Variants in OLA1 observed in about 807,000 individuals in gnomAD.
OLA1 encodes the protein Obg like ATPase 1, also known as obg-like ATPase 1.
OLA1 carries 14 observed loss-of-function variants against 48.4 expected under a neutral mutation model. The ratio of observed to expected loss-of-function variants is 0.29; its 90% CI spans 0.19 to 0.45. The LOEUF is 0.45. Among genes scored for constraint, OLA1 ranks in the 20% least tolerant of loss-of-function variants. The pLI is 1.00. For missense variants in OLA1, 325 were observed against 467.1 expected, an observed-to-expected ratio of 0.70 and a Z score of 2.80; for synonymous variants, 127 against 150.4, an observed-to-expected ratio of 0.84 and a Z score of 1.14.
At chr2:174,229,628 T>G (rs1688684757) in intron 2 of OLA1, among the ~76,000 whole-genome samples, 177 bp from the exon 3 acceptor site, 2 of 152,230 alleles carry the variant, frequency 1.3e-5, no homozygotes, top group South Asian at 4.1e-4. Flanking sequence ...TTTACAACAG[T>G]AAAGCGGCAG....
intron 4 of OLA1, among the ~76,000 whole-genome samples, chr2:174,148,389 CAAAT>C: frequency 6.6e-6 from 1 of 151,988 alleles, no homozygotes; most frequent in East Asian, 1.9e-4. Flanking sequence ...GACTACATCT[CAAAT>C]AAACAAAACA....
At chr2:174,152,146 C>T (rs1558978924) in intron 4 of OLA1, among the ~76,000 whole-genome samples, 1 of 152,166 alleles carries the variant, frequency 6.6e-6, no homozygotes, top group Non-Finnish European at 1.5e-5. Context: ...GTGGCTCACG[C>T]CTGTAATCCC....
intron 4 of OLA1, among the ~76,000 whole-genome samples, chr2:174,158,187 G>A (rs1383920071): frequency 1.3e-5 from 2 of 152,190 alleles, no homozygotes; most frequent in African/African-American, 4.8e-5. Flanking sequence ...TCACCACCAG[G>A]TGGTGCCAAA....
chr2:174,214,378 A>G (rs1688314897), intron 4 of OLA1, among the ~76,000 whole-genome samples: 1 of 152,184 alleles, frequency 6.6e-6, no homozygotes. Context: ...AAGTGCTATA[A>G]AAATATTCAT....
chr2:174,164,866 T>G (rs1687124756), intron 4 of OLA1, among the ~76,000 whole-genome samples: 1 of 152,162 alleles, frequency 6.6e-6, no homozygotes, highest in East Asian at 1.9e-4. Context: ...ATGGAGGAAA[T>G]TTCAAAATTT....
chr2:174,147,911 C>T (rs978571351), intron 4 of OLA1, among the ~76,000 whole-genome samples: 1 of 152,146 alleles, frequency 6.6e-6, no homozygotes, highest in South Asian at 2.1e-4. Context: ...GCAATCTCCA[C>T]CTCCCAGGTT....
chr2:174,082,091 A>C (rs1684869303), intron 7 of OLA1, 27 bp from the exon 8 acceptor site: 3 of 1,611,632 alleles, frequency 1.9e-6, no homozygotes, highest in Non-Finnish European at 8.5e-7. Context: ...GCACAACATT[A>C]TCTTGTAGTG....
chr2:174,183,627 G>A (rs958996715), intron 4 of OLA1, among the ~76,000 whole-genome samples: 8 of 152,156 alleles, frequency 5.3e-5, no homozygotes, highest in African/African-American at 9.7e-5. Flanking sequence ...ATGTGTAAGA[G>A]GACAAAAGCA....
intron 4 of OLA1, among the ~76,000 whole-genome samples, chr2:174,153,521 ATAT>A (rs768246651): frequency 6.6e-6 from 1 of 151,954 alleles, no homozygotes; most frequent in Non-Finnish European, 1.5e-5. Flanking sequence ...ACACATTACA[ATAT>A]TATACAGTGT....
At chr2:174,205,758 C>T (rs1027425458) in intron 4 of OLA1, among the ~76,000 whole-genome samples, 4 of 152,138 alleles carry the variant, frequency 2.6e-5, no homozygotes, top group Non-Finnish European at 5.9e-5. Context: ...GAAGATGGAC[C>T]GGTCAAGGGG....
intron 7 of OLA1, among the ~76,000 whole-genome samples, chr2:174,121,482 T>G (rs2105366527): frequency 6.6e-6 from 1 of 152,106 alleles, no homozygotes; most frequent in African/African-American, 2.4e-5. Flanking sequence ...TCAGCTACAA[T>G]TACACTAACT....
rs1688373395 is a variant in OLA1, at chr2:174,216,912, T to C, written c.373+6121A>G. On this transcript the variant is annotated intron_variant, in intron 4 of 10. Transcript: ENST00000284719. ...ATTGTAAGAATATAGAATATAAATA[T>C]ATAACATACAAGATGTGTGTTAATA... Among the ~76,000 whole-genome samples the C allele has an allele frequency of 2.6e-5, 4 of 152,206 alleles. No individual in the cohort carries two copies. In the South Asian group the frequency reaches 8.3e-4, roughly 31 times the overall value.
intron 2 of OLA1, among the ~76,000 whole-genome samples, chr2:174,242,363 G>A (rs1399532040): frequency 6.6e-6 from 1 of 152,200 alleles, no homozygotes; most frequent in African/African-American, 2.4e-5. Context: ...TCTGAGAATC[G>A]AATGCTGCTG....
intron 4 of OLA1, among the ~76,000 whole-genome samples, chr2:174,164,385 G>GCATAGTGCAGAATGGATACCATTCTGCA (rs1553485219): frequency 4.1e-4 from 62 of 151,592 alleles, no homozygotes; most frequent in African/African-American, 1.1e-3. Context: ...ATACCATTCT[G>GCATAGTGCAGAATGGATACCATTCTGCA]TTTTATGTTT....
At chr2:174,176,904 C>A (rs1346248924) in intron 4 of OLA1, among the ~76,000 whole-genome samples, 1 of 152,080 alleles carries the variant, frequency 6.6e-6, no homozygotes, top group African/African-American at 2.4e-5. Flanking sequence ...ATTTAGTTTG[C>A]TGTATTTTTA....
At chr2:174,092,138 AAAAAG>A (rs759915739) in intron 7 of OLA1, among the ~76,000 whole-genome samples, 19,159 of 145,608 alleles carry the variant, frequency 0.13, 1,459 homozygotes, top group Middle Eastern at 0.2. Context: ...AAAAAAAAAA[AAAAAG>A]AAAGAAAAGA....
intron 7 of OLA1, among the ~76,000 whole-genome samples, chr2:174,095,320 T>A (rs1291948119): frequency 7.3e-6 from 1 of 137,206 alleles, no homozygotes; most frequent in Non-Finnish European, 1.5e-5. Flanking sequence ...CACTTGTTAT[T>A]TCCTGTTTTT....
intron 4 of OLA1, among the ~76,000 whole-genome samples, chr2:174,210,834 G>C (rs1688223615): frequency 6.6e-6 from 1 of 152,092 alleles, no homozygotes; most frequent in African/African-American, 2.4e-5. Flanking sequence ...TAAGATTGCT[G>C]AAATCTACTT....
chr2:174,125,414 A>G (rs1318298355), intron 5 of OLA1, among the ~76,000 whole-genome samples: 1 of 152,176 alleles, frequency 6.6e-6, no homozygotes, highest in Non-Finnish European at 1.5e-5. Context: ...TGGCCAGAAC[A>G]GCTTATGTAG....
Sources: gnomAD v4.1 joint callset for allele counts (sites outside exome capture counted in the v4.1 genomes callset) on GRCh38, gnomAD v4.1.1 for gene constraint, MANE v1.5 for transcripts, NCBI Gene and HGNC (gene_info 2026-07-23, HGNC 2026-07-21) for gene names.